WDR17: variants seen among roughly 807,000 people sequenced by gnomAD.
WDR17 encodes WD repeat-containing protein 17.
WDR17 carries 143 observed loss-of-function variants against 161.7 expected under a neutral mutation model. The ratio of observed to expected loss-of-function variants is 0.88; its 90% CI spans 0.77 to 1.02. WDR17 has a LOEUF of 1.02. Among genes scored for constraint, WDR17 ranks in the 50% least tolerant of loss-of-function variants. The pLI is 0.00. For missense variants in WDR17, 1,469 were observed against 1,520.9 expected, an observed-to-expected ratio of 0.97 and a Z score of 0.57; for synonymous variants, 517 against 515.6, an observed-to-expected ratio of 1.00 and a Z score of -0.04.
intron 22 of WDR17, 166 bp from the exon 23 acceptor site, chr4:176,168,506 A>G: frequency 1.4e-6 from 1 of 696,752 alleles, no homozygotes; most frequent in African/African-American, 1.8e-5. Context: ...GGTTTGGGTA[A>G]TCTGCATTTA....
chr4:176,133,313 C>A (rs1358023536), intron 7 of WDR17, among the ~76,000 whole-genome samples: 24 of 133,390 alleles, frequency 1.8e-4, no homozygotes, highest in Non-Finnish European at 3.5e-4. Flanking sequence ...ATCACTTCCA[C>A]CATTAACTCC....
At position 176,097,720 on chromosome 4, in the gene WDR17, TAC is replaced by T. The variant is rs561504948; in HGVS notation, c.-6-13835_-6-13834del. The stretch of plus-strand genomic sequence containing the variant: ...TAATAGTAATACTTCAAGCCCCACT[TAC>T]ACACACACACACACACACATACACA... On this transcript the variant is annotated intron_variant, in intron 1 of 28. Transcript: ENST00000508596. Among the ~76,000 whole-genome samples the T allele has an allele frequency of 5.0e-3, 652 of 129,668 alleles. 6 individuals are homozygous for T. Among genetic ancestry groups the T allele is most frequent in the South Asian group, 0.019 (73 of 3,898 alleles). 85.1% of individuals were successfully genotyped at this position (129,668 alleles called of 152,430 possible).
intron 28 of WDR17, 142 bp from the exon 29 acceptor site, chr4:176,179,318 T>C: frequency 1.0e-6 from 1 of 971,256 alleles, no homozygotes; most frequent in Non-Finnish European, 1.4e-6. Context: ...AAAAAACTAA[T>C]TTTCTCATAG....
At chr4:176,126,754 C>A (rs1225436832) in intron 5 of WDR17, among the ~76,000 whole-genome samples, 1 of 152,138 alleles carries the variant, frequency 6.6e-6, no homozygotes, top group South Asian at 2.1e-4. Flanking sequence ...CTGTCAAGGC[C>A]GGACCCAGCT....
rs574554870 is a variant in WDR17 at position 176,066,524 on chromosome 4, A to G, written c.-7+445A>G. On this transcript the variant is annotated intron_variant, in intron 1 of 28. Transcript: ENST00000508596. ...TTTGAGTAAAAAGGAAATGCGTTCCAGAAAAAAGACGGTATTGGATATAAG... is the reference window on the plus strand; with the variant it reads ...TTTGAGTAAAAAGGAAATGCGTTCCGGAAAAAAGACGGTATTGGATATAAG... Among the ~76,000 whole-genome samples, 238 of 152,308 alleles carry G rather than the reference A, an allele frequency of 1.6e-3. 1 individual carries two copies. Among genetic ancestry groups the G allele is most frequent in the African/African-American group, 5.2e-3 (215 of 41,570 alleles).
chr4:176,162,360 A>G (rs1480503285), intron 21 of WDR17, among the ~76,000 whole-genome samples, 186 bp downstream of exon 21: 1 of 152,200 alleles, frequency 6.6e-6, no homozygotes, highest in African/African-American at 2.4e-5. Context: ...TTAAGCACAC[A>G]TAGACTATGA....
chr4:176,145,009 A>G (rs576496889), intron 11 of WDR17, among the ~76,000 whole-genome samples: 10 of 152,192 alleles, frequency 6.6e-5, no homozygotes, highest in Non-Finnish European at 1.5e-4. Context: ...GCAGATTGGC[A>G]TGCCAGTTTG....
chr4:176,116,532 A>C (rs1740671840), intron 3 of WDR17, among the ~76,000 whole-genome samples: 1 of 151,868 alleles, frequency 6.6e-6, no homozygotes, highest in Non-Finnish European at 1.5e-5. Flanking sequence ...CATAATGGTA[A>C]AGTTAAGTAA....
At chr4:176,132,847 T>TA (rs200486218) in intron 7 of WDR17, among the ~76,000 whole-genome samples, 121 of 151,068 alleles carry the variant, frequency 8.0e-4, no homozygotes, top group African/African-American at 1.9e-3. Flanking sequence ...CTTAAATCTA[T>TA]AAAAAAAAAC....
chr4:176,167,853 A>G (rs1161238845), intron 22 of WDR17, among the ~76,000 whole-genome samples: 3 of 151,902 alleles, frequency 2.0e-5, no homozygotes, highest in Non-Finnish European at 4.4e-5. Context: ...TTGGATCTTT[A>G]ATAAGTAAAT....
At chr4:176,070,619 T>TC (rs1257379822) in intron 1 of WDR17, among the ~76,000 whole-genome samples, 1 of 151,608 alleles carries the variant, frequency 6.6e-6, no homozygotes, top group African/African-American at 2.4e-5. Context: ...GCTCAATCAA[T>TC]CCCCCCACAG....
chr4:176,075,647 C>T (rs1375598078), intron 1 of WDR17, among the ~76,000 whole-genome samples: 1 of 151,836 alleles, frequency 6.6e-6, no homozygotes, highest in Non-Finnish European at 1.5e-5. Context: ...TAAATCTTTC[C>T]AGTATGAGAA....
intron 25 of WDR17, among the ~76,000 whole-genome samples, chr4:176,173,574 T>C (rs1460454742): frequency 6.6e-6 from 1 of 152,202 alleles, no homozygotes; most frequent in Non-Finnish European, 1.5e-5. Flanking sequence ...TGGAGTGCAG[T>C]GGCGTGATCT....
chr4:176,109,889 G>A (rs979078476), intron 1 of WDR17, among the ~76,000 whole-genome samples: 6 of 152,088 alleles, frequency 3.9e-5, no homozygotes, highest in Non-Finnish European at 7.4e-5. Context: ...CTTTTGAGCA[G>A]CATAAACTAA....
intron 18 of WDR17, among the ~76,000 whole-genome samples, chr4:176,158,800 C>T (rs1383942496): frequency 2.0e-5 from 3 of 152,192 alleles, no homozygotes; most frequent in African/African-American, 4.8e-5. Context: ...TTCTCTGCCT[C>T]TTAGCCATGT....
chr4:176,085,467 C>T (rs1467405750), intron 1 of WDR17, among the ~76,000 whole-genome samples: 1 of 152,064 alleles, frequency 6.6e-6, no homozygotes, highest in African/African-American at 2.4e-5. Flanking sequence ...AAAAGTTTTA[C>T]ATGTAGACTT....
intron 7 of WDR17, among the ~76,000 whole-genome samples, chr4:176,133,243 T>C (rs1243704685): frequency 8.2e-6 from 1 of 122,258 alleles, no homozygotes; most frequent in Non-Finnish European, 1.7e-5. Context: ...GTGGTTCTCC[T>C]TGGTCTCCTC....
rs1038804915 is a variant in WDR17 at position 176,179,749 on chromosome 4, A to T, written c.*170A>T. ...GTCATTAACTTCAAAATATATATAT[A>T]TATATAATTTAAAGGAAAAATAGGT... On this transcript the variant is annotated 3_prime_UTR_variant, in exon 29 of 29. Coordinates refer to ENST00000508596, the MANE Select transcript of WDR17 (RefSeq NM_181265.4). 1.6e-5 allele frequency: 5 copies of T among 315,150 alleles called. No homozygotes were observed. The highest frequency in any genetic ancestry group is 2.2e-5 in the African/African-American group (1 of 45,568). The allele number at this position is 315,150 out of a possible 1,614,324, so 19.5% of individuals were successfully genotyped here. A position where few individuals can be genotyped will look rare whatever the true frequency, so the allele number is the denominator to read the frequency against.
rs1241470497 is a variant in WDR17, at chr4:176,174,519, C to A, written c.3348-98C>A. ...TCTAAACATATATTGCTATAAATGT[C>A]ACCTTTCAGAATATATAAAGTACAT... On this transcript the variant is annotated intron_variant, in intron 25 of 28. Transcript: ENST00000508596. 6 of 804,314 alleles carry A rather than the reference C, an allele frequency of 7.5e-6. No homozygotes were observed. In the African/African-American group the frequency reaches 8.8e-5, roughly 12 times the overall value. 49.8% of individuals were successfully genotyped at this position (804,314 alleles called of 1,614,324 possible). A position where few individuals can be genotyped will look rare whatever the true frequency, so the allele number is the denominator to read the frequency against.
Sources: gnomAD v4.1 joint callset for allele counts (sites outside exome capture counted in the v4.1 genomes callset) on GRCh38, gnomAD v4.1.1 for gene constraint, MANE v1.5 for transcripts, NCBI Gene and HGNC (gene_info 2026-07-23, HGNC 2026-07-21) for gene names.